Variants in NCK1 observed in about 807,000 individuals in gnomAD.
The protein encoded by NCK1 is NCK adaptor protein 1.
NCK1 carries 19 observed loss-of-function variants against 36.6 expected under a neutral mutation model. That is an observed-to-expected ratio of 0.52 (90% CI 0.36 to 0.76). The LOEUF (loss-of-function observed/expected upper bound fraction) is 0.76. Ranked by LOEUF, NCK1 falls within the 30% of genes least tolerant of loss-of-function variation. The pLI is 0.00. For synonymous variants in NCK1, 165 were observed against 156.0 expected (o/e 1.06, Z -0.43); for missense variants, 358 against 445.6 (o/e 0.80, Z 1.77).
intron 2 of NCK1, among the ~76,000 whole-genome samples, chr3:136,943,045 G>A (rs1940716973): frequency 6.6e-6 from 1 of 152,166 alleles, no homozygotes; most frequent in East Asian, 1.9e-4. Context: ...TGGGGTGTGG[G>A]GGATGGTGGG....
At chr3:136,900,934 A>G (rs1939525183) in intron 1 of NCK1, among the ~76,000 whole-genome samples, 1 of 152,032 alleles carries the variant, frequency 6.6e-6, no homozygotes, top group African/African-American at 2.4e-5. Context: ...TCTGGCTAGG[A>G]CTTGCAGTAC....
At chr3:136,926,582 T>C (rs915061906) in intron 1 of NCK1, among the ~76,000 whole-genome samples, 1 of 152,070 alleles carries the variant, frequency 6.6e-6, no homozygotes, top group African/African-American at 2.4e-5. Flanking sequence ...GCCACTCTTT[T>C]TGTTTTTTAA....
At chr3:136,922,600 C>T (rs1408909653) in intron 1 of NCK1, among the ~76,000 whole-genome samples, 2 of 152,172 alleles carry the variant, frequency 1.3e-5, no homozygotes, top group African/African-American at 4.8e-5. Flanking sequence ...AAAGAAATCA[C>T]TGTAATAAGA....
chr3:136,917,057 T>C (rs2050258327), intron 1 of NCK1, among the ~76,000 whole-genome samples: 2 of 152,222 alleles, frequency 1.3e-5, no homozygotes, highest in Non-Finnish European at 2.9e-5. Flanking sequence ...TTATCAAATG[T>C]ATTCATATGT....
At chr3:136,911,937 A>G (rs1427205400) in intron 1 of NCK1, among the ~76,000 whole-genome samples, 2 of 151,898 alleles carry the variant, frequency 1.3e-5, no homozygotes, top group Non-Finnish European at 2.9e-5. Context: ...GTTTTGGCCT[A>G]CAGAGCTGCT....
At chr3:136,925,335 T>A (rs556266655) in intron 1 of NCK1, among the ~76,000 whole-genome samples, 209 of 152,308 alleles carry the variant, frequency 1.4e-3, no homozygotes, top group African/African-American at 4.7e-3. Flanking sequence ...TTATTTTAAT[T>A]AAACTTTTTA....
At chr3:136,886,477 G>T (rs1182139118) in intron 1 of NCK1, among the ~76,000 whole-genome samples, 1 of 151,912 alleles carries the variant, frequency 6.6e-6, no homozygotes, top group East Asian at 1.9e-4. Flanking sequence ...GGTAGTTAAT[G>T]CTATATTGTT....
chr3:136,909,472 T>A (rs567894981), intron 1 of NCK1, among the ~76,000 whole-genome samples: 1 of 152,306 alleles, frequency 6.6e-6, no homozygotes, highest in Admixed American at 6.5e-5. Context: ...CTCTAAGAGC[T>A]TGCTCTGAGA....
At chr3:136,903,717 G>T (rs555306656) in intron 1 of NCK1, among the ~76,000 whole-genome samples, 2 of 152,124 alleles carry the variant, frequency 1.3e-5, no homozygotes, top group Non-Finnish European at 1.5e-5. Context: ...GAGCCACACC[G>T]CGCCTGGCCA....
chr3:136,946,262 A>G lies in NCK1; in HGVS notation c.906A>G (p.Glu302=). 1 of 1,613,162 alleles carries G rather than the reference A, an allele frequency of 6.2e-7. No homozygotes were observed. Among genetic ancestry groups the G allele is most frequent in the South Asian group, 1.1e-5 (1 of 91,022 alleles). Residue 302 remains glutamate, a synonymous_variant, in exon 3 of 4, where the codon GAA becomes GAG. Coordinates refer to ENST00000481752, the MANE Select transcript of NCK1 (RefSeq NM_001291999.2). ...AEMALNERGH[E]GDFLIRDSES... ...TGGCATTAAATGAAAGAGGACATGAAGGGGATTTCCTCATTCGTGATAGTG... is the reference window on the plus strand; with the variant it reads ...TGGCATTAAATGAAAGAGGACATGAGGGGGATTTCCTCATTCGTGATAGTG...
chr3:136,890,362 A>G (rs1939208055), intron 1 of NCK1, among the ~76,000 whole-genome samples: 1 of 151,442 alleles, frequency 6.6e-6, no homozygotes, highest in South Asian at 2.1e-4. Flanking sequence ...ACGCAGCCCC[A>G]GTTCCCGCTG....
In NCK1 at chr3:136,945,946, C is replaced by T; in HGVS notation, c.590C>T (p.Ala197Val). The T allele has an allele frequency of 1.2e-6, 2 of 1,614,008 alleles. No individual in the cohort carries two copies. Among genetic ancestry groups the T allele is most frequent in the Non-Finnish European group, 1.7e-6 (2 of 1,179,994 alleles). The change falls in exon 3 of 4, where the codon GCT becomes GTT. Residue 197 changes from alanine to valine, a missense_variant. By Grantham distance (64) the Ala-to-Val change is moderately conservative (BLOSUM62 0). This residue lies in a region of NCK1 where 207 missense variants were observed against 253.4 expected (regional missense o/e 0.82). Transcript: ENST00000481752. Reference protein sequence around the residue: ...NTGQVLHVVQALYPFSSSNDE... With the variant: ...NTGQVLHVVQVLYPFSSSNDE... ...GGGCAAGTGTTGCATGTGGTACAGG[C>T]TCTTTACCCATTCAGCTCATCTAAT...
intron 2 of NCK1, among the ~76,000 whole-genome samples, chr3:136,938,515 T>G (rs1232036020): frequency 2.0e-5 from 3 of 152,174 alleles, no homozygotes; most frequent in African/African-American, 7.2e-5. Flanking sequence ...GTGCAGTCTA[T>G]TTAGTACCAC....
intron 1 of NCK1, among the ~76,000 whole-genome samples, chr3:136,907,954 A>G (rs899581540): frequency 1.3e-5 from 2 of 152,232 alleles, no homozygotes; most frequent in East Asian, 3.8e-4. Flanking sequence ...ATGGTCAGCA[A>G]GAGAGAGAAC....
chr3:136,931,796 G>C (rs1940397042), intron 2 of NCK1, among the ~76,000 whole-genome samples: 1 of 152,100 alleles, frequency 6.6e-6, no homozygotes. Flanking sequence ...AAGTGATGTT[G>C]ACCATAAAGC....
At chr3:136,916,154 A>G (rs779280861) in intron 1 of NCK1, among the ~76,000 whole-genome samples, 1 of 152,202 alleles carries the variant, frequency 6.6e-6, no homozygotes, top group African/African-American at 2.4e-5. Context: ...AGTCACCTGG[A>G]GATTACAATT....
intron 3 of NCK1, among the ~76,000 whole-genome samples, chr3:136,948,038 G>GGAT (rs1346674363): frequency 2.0e-5 from 3 of 152,030 alleles, no homozygotes; most frequent in Non-Finnish European, 4.4e-5. Flanking sequence ...TTAACTAGAT[G>GGAT]GATGATATTG....
intron 1 of NCK1, among the ~76,000 whole-genome samples, chr3:136,884,137 G>T (rs1939014907): frequency 6.6e-6 from 1 of 152,180 alleles, no homozygotes; most frequent in Non-Finnish European, 1.5e-5. Context: ...TAGAGAGAGG[G>T]TATATGTGAG....
intron 1 of NCK1, among the ~76,000 whole-genome samples, chr3:136,896,331 C>G (rs1401406673): frequency 2.0e-5 from 3 of 152,208 alleles, no homozygotes; most frequent in Admixed American, 2.0e-4. Flanking sequence ...TGTCATTCTA[C>G]TGTCTACCTC....
Sources: allele counts gnomAD v4.1 joint callset (sites outside exome capture counted in the v4.1 genomes callset), GRCh38; gene constraint gnomAD v4.1.1; regional missense constraint gnomAD v4.1.1; transcripts MANE v1.5; gene names NCBI Gene and HGNC (gene_info 2026-07-23, HGNC 2026-07-21).